GOLM1: variants seen among roughly 807,000 people sequenced by gnomAD.
The protein encoded by GOLM1 is golgi membrane protein 1.
A neutral mutation model predicts 50.5 loss-of-function variants in GOLM1; 31 were observed. The ratio of observed to expected loss-of-function variants is 0.61; its 90% confidence interval spans 0.46 to 0.83. The LOEUF (loss-of-function observed/expected upper bound fraction) is 0.83. GOLM1 is among the 40% of genes least tolerant of loss of function. GOLM1 has a pLI of 0.00. For synonymous variants in GOLM1, 178 were observed against 192.8 expected (o/e 0.92, Z 0.64); for missense variants, 491 against 501.3 (o/e 0.98, Z 0.20).
chr9:86,094,554 G>A (rs912198398), intron 1 of GOLM1, among the ~76,000 whole-genome samples: 12 of 152,206 alleles, frequency 7.9e-5, no homozygotes, highest in African/African-American at 1.7e-4. Context: ...ACCAAAAAGC[G>A]AGGTGGATGA....
intron 3 of GOLM1, among the ~76,000 whole-genome samples, chr9:86,059,157 C>A (rs2118775380): frequency 6.6e-6 from 1 of 152,236 alleles, no homozygotes; most frequent in South Asian, 2.1e-4. Flanking sequence ...AAGTTCAACA[C>A]AGAGCTACCA....
rs1285018928 is a variant in GOLM1, at chr9:86,058,433, G to A, written c.310-5842C>T. ...GCTATAATTTTTAAAAAGGTGCCAGGCGCGGTGGCTCATGCCTGTAATCCC... is the reference window on the plus strand; with the variant it reads ...GCTATAATTTTTAAAAAGGTGCCAGACGCGGTGGCTCATGCCTGTAATCCC... On this transcript the variant is annotated intron_variant, in intron 3 of 9. Transcript: ENST00000388712. Among the ~76,000 whole-genome samples, 4 of 152,242 alleles carry A rather than the reference G, an allele frequency of 2.6e-5. No homozygotes were observed. The East Asian group carries it at 5.8e-4, about 22-fold the overall frequency.
At chr9:86,056,825 C>G (rs900880470) in intron 3 of GOLM1, among the ~76,000 whole-genome samples, 4 of 151,806 alleles carry the variant, frequency 2.6e-5, no homozygotes, top group African/African-American at 9.7e-5. Context: ...TTTTAAGAGA[C>G]AGTCTCACTC....
chr9:86,073,220 T>C (rs1259609185), intron 3 of GOLM1, among the ~76,000 whole-genome samples: 2 of 150,994 alleles, frequency 1.3e-5, no homozygotes, highest in Non-Finnish European at 3.0e-5. Flanking sequence ...TCTGGAAGTT[T>C]AGAAAAAAAA....
intron 1 of GOLM1, among the ~76,000 whole-genome samples, chr9:86,097,126 T>C (rs1835375707): frequency 6.7e-6 from 1 of 149,876 alleles, no homozygotes; most frequent in Non-Finnish European, 1.5e-5. Context: ...AAGGAAAGAC[T>C]CTCTGGAAAT....
chr9:86,085,229 G>C (rs535560248), intron 1 of GOLM1, among the ~76,000 whole-genome samples: 1 of 152,228 alleles, frequency 6.6e-6, no homozygotes, highest in African/African-American at 2.4e-5. Flanking sequence ...TTAATTGTGA[G>C]TACAAATGAG....
chr9:86,097,824 G>A (rs781542630), intron 1 of GOLM1, among the ~76,000 whole-genome samples: 47 of 152,056 alleles, frequency 3.1e-4, no homozygotes, highest in Non-Finnish European at 5.4e-4. Flanking sequence ...TATAAACCCG[G>A]GTAGCCCTGG....
intron 4 of GOLM1, among the ~76,000 whole-genome samples, chr9:86,051,311 G>C (rs989314489): frequency 2.0e-5 from 3 of 152,178 alleles, no homozygotes; most frequent in Non-Finnish European, 4.4e-5. Context: ...GAATAAATGC[G>C]ATGTGGTGCT....
At chr9:86,044,575 G>C (rs1303660854) in intron 5 of GOLM1, among the ~76,000 whole-genome samples, 1 of 152,046 alleles carries the variant, frequency 6.6e-6, no homozygotes, top group Non-Finnish European at 1.5e-5. Context: ...AATCCAAAAT[G>C]GTAATTTTTA....
At chr9:86,072,294 C>T (rs888766950) in intron 3 of GOLM1, among the ~76,000 whole-genome samples, 15 of 152,080 alleles carry the variant, frequency 9.9e-5, no homozygotes, top group Admixed American at 9.2e-4. Context: ...GTGAGGGGCA[C>T]GCAGGTGTGA....
At chr9:86,035,890 A>AAAAAC in intron 7 of GOLM1, among the ~76,000 whole-genome samples, 1 of 149,826 alleles carries the variant, frequency 6.7e-6, no homozygotes, top group Non-Finnish European at 1.5e-5. Flanking sequence ...AAACAAAAAA[A>AAAAAC]AAAAAACACC....
chr9:86,095,128 G>A (rs1050443236), intron 1 of GOLM1, among the ~76,000 whole-genome samples: 3 of 151,810 alleles, frequency 2.0e-5, no homozygotes, highest in African/African-American at 7.3e-5. Context: ...ATCTCAGTAG[G>A]AGCTCAATTT....
At chr9:86,054,067 G>A (rs1833911862) in intron 3 of GOLM1, among the ~76,000 whole-genome samples, 1 of 152,112 alleles carries the variant, frequency 6.6e-6, no homozygotes, top group Non-Finnish European at 1.5e-5. Context: ...GGAACTGGAG[G>A]GTTTCACACA....
chr9:86,096,472 A>C (rs1012755248), intron 1 of GOLM1, among the ~76,000 whole-genome samples: 5 of 152,200 alleles, frequency 3.3e-5, no homozygotes, highest in Admixed American at 6.5e-5. Context: ...CAGCATCAGC[A>C]TTACCTTGGA....
At chr9:86,084,146 C>T (rs1432116344) in intron 1 of GOLM1, among the ~76,000 whole-genome samples, 3 of 152,220 alleles carry the variant, frequency 2.0e-5, no homozygotes, top group Non-Finnish European at 4.4e-5. Context: ...TACAGGGGCT[C>T]GTATCAGCTT....
intron 5 of GOLM1, among the ~76,000 whole-genome samples, chr9:86,043,512 T>C (rs1453599015): frequency 6.6e-6 from 1 of 152,228 alleles, no homozygotes; most frequent in Non-Finnish European, 1.5e-5. Flanking sequence ...TTTATAAGTT[T>C]GCTAACAAAG....
At chr9:86,068,861 C>T (rs946813166) in intron 3 of GOLM1, among the ~76,000 whole-genome samples, 2 of 152,218 alleles carry the variant, frequency 1.3e-5, no homozygotes, top group Non-Finnish European at 2.9e-5. Context: ...CAGAAGCTCC[C>T]TTCTGCAAAC....
At chr9:86,054,854 T>C (rs1481976863) in intron 3 of GOLM1, among the ~76,000 whole-genome samples, 2 of 152,184 alleles carry the variant, frequency 1.3e-5, no homozygotes, top group Non-Finnish European at 2.9e-5. Context: ...ACATACAGCA[T>C]GTATGTGTGC....
chr9:86,050,426 G>A (rs913710189), intron 4 of GOLM1, among the ~76,000 whole-genome samples: 8 of 152,200 alleles, frequency 5.3e-5, no homozygotes, highest in Non-Finnish European at 8.8e-5. Context: ...GATTAGAATA[G>A]TTTCAGAAGG....
Sources: gnomAD v4.1 joint callset for allele counts (sites outside exome capture counted in the v4.1 genomes callset) on GRCh38, gnomAD v4.1.1 for gene constraint, MANE v1.5 for transcripts, NCBI Gene and HGNC (gene_info 2026-07-23, HGNC 2026-07-21) for gene names.